Variants in LPIN1 observed in about 807,000 individuals in gnomAD.
LPIN1 encodes phosphatidate phosphatase LPIN1.
A neutral mutation model predicts 107.5 loss-of-function variants in LPIN1; 71 were observed. The ratio of observed to expected loss-of-function variants is 0.66; its 90% CI spans 0.55 to 0.80. The LOEUF (loss-of-function observed/expected upper bound fraction) is 0.80. Ranked by LOEUF, LPIN1 falls within the 30% of genes least tolerant of loss-of-function variation. The pLI is 0.00. For synonymous variants in LPIN1, 445 were observed against 452.6 expected (o/e 0.98, Z 0.21); for missense variants, 1,043 against 1,160.6 (o/e 0.90, Z 1.47).
In LPIN1 at chr2:11,765,262, C is replaced by G. The variant is rs547594797; in HGVS notation, c.-9-271C>G. On this transcript the variant is annotated intron_variant, in intron 1 of 20. Coordinates refer to ENST00000674199, the MANE Select transcript of LPIN1 (RefSeq NM_001349206.2). The surrounding 1 kb of genome is among the most constrained non-coding windows in gnomAD (Gnocchi z 4.4). The stretch of plus-strand genomic sequence containing the variant: ...GGGCCCTGATGGACCCTGATGGACC[C>G]TGATGGGCCGTGATGGACCCTGATG... 1.2e-4 allele frequency among the ~76,000 whole-genome samples: 17 copies of G among 144,440 alleles called. No individual in the cohort carries two copies. The highest frequency in any genetic ancestry group is 4.2e-4 in the African/African-American group (16 of 38,482). 94.8% of individuals were successfully genotyped at this position (144,440 alleles called of 152,430 possible).
At chr2:11,681,559 C>G (rs1661715679) in intron 1 of LPIN1, 1 of 153,082 alleles carries the variant, frequency 6.5e-6, no homozygotes, top group Admixed American at 6.5e-5. Flanking sequence ...GCCATTTAAA[C>G]CTCTTTTCTT....
At chr2:11,788,112 C>T (rs759781928) in intron 11 of LPIN1, among the ~76,000 whole-genome samples, 1 of 152,140 alleles carries the variant, frequency 6.6e-6, no homozygotes, top group African/African-American at 2.4e-5. Context: ...TGGTTTGGTG[C>T]AGCAGCTGTA....
intron 14 of LPIN1, among the ~76,000 whole-genome samples, chr2:11,800,461 G>A (rs1461494382): frequency 1.3e-5 from 2 of 152,108 alleles, no homozygotes; most frequent in Non-Finnish European, 2.9e-5. Context: ...AGGCTGGAGT[G>A]CAATGGCGCA....
chr2:11,730,289 C>T (rs1665062737), intron 1 of LPIN1, among the ~76,000 whole-genome samples: 1 of 152,172 alleles, frequency 6.6e-6, no homozygotes, highest in African/African-American at 2.4e-5. Context: ...GGCCGTTGCT[C>T]ACCTTTGTTA....
intron 1 of LPIN1, among the ~76,000 whole-genome samples, chr2:11,735,687 T>C (rs955275597): frequency 4.6e-5 from 7 of 152,158 alleles, no homozygotes; most frequent in Non-Finnish European, 8.8e-5. Flanking sequence ...AGGTCAACGA[T>C]GAAAGGGGTT....
upstream of LPIN1, among the ~76,000 whole-genome samples, chr2:11,743,901 A>G (rs970366655): frequency 6.6e-6 from 1 of 152,172 alleles, no homozygotes; most frequent in African/African-American, 2.4e-5. The surrounding 1 kb of genome is among the most constrained non-coding windows in gnomAD (Gnocchi z 4.7). Flanking sequence ...TACAACAGCT[A>G]CTGTCACCAG....
intron 1 of LPIN1, among the ~76,000 whole-genome samples, chr2:11,756,432 A>G (rs916341182): frequency 3.9e-5 from 6 of 152,200 alleles, no homozygotes; most frequent in African/African-American, 1.4e-4. Flanking sequence ...TCTGTCGCCC[A>G]GGCTGGAGTA....
Position 11,752,432 on chromosome 2 carries a change from C to CTTTTTTTTTTTTTT in LPIN1, c.-10+5761_-10+5762insTTTTTTTTTTTTTT, listed in dbSNP as rs1354955148. On this transcript the variant is annotated intron_variant, in intron 1 of 20. Coordinates refer to ENST00000674199, the MANE Select transcript of LPIN1 (RefSeq NM_001349206.2). ...TTTTTCTTTTGAGCTGTTCCAAGGC[C>CTTTTTTTTTTTTTT]ATTTTTTTTTTTTTTTTGAGACGGA... Among the ~76,000 whole-genome samples the CTTTTTTTTTTTTTT allele has an allele frequency of 5.5e-3, 451 of 82,516 alleles. 27 individuals are homozygous for CTTTTTTTTTTTTTT. Among genetic ancestry groups the CTTTTTTTTTTTTTT allele is most frequent in the African/African-American group, 0.034 (423 of 12,578 alleles). The allele number at this position is 82,516 out of a possible 152,430, so 54.1% of individuals were successfully genotyped here. A position where few individuals can be genotyped will look rare whatever the true frequency, so the allele number is the denominator to read the frequency against.
chr2:11,689,588 T>C (rs1360188010), intron 1 of LPIN1, among the ~76,000 whole-genome samples: 1 of 152,218 alleles, frequency 6.6e-6, no homozygotes, highest in Non-Finnish European at 1.5e-5. Flanking sequence ...TTATATTCTT[T>C]TAGTGGTTCT....
At position 11,733,350 on chromosome 2, in the gene LPIN1, G is replaced by T. The variant is rs138318473; in HGVS notation, c.-71-7999G>T. On this transcript the variant is annotated intron_variant, in intron 1 of 21. Coordinates refer to the LPIN1 transcript ENST00000396097. ...GGCAGATGAATCTGGTTTTAGTGTGGCAATATGAAAGTGTATGGACACAAA... is the reference window on the plus strand; with the variant it reads ...GGCAGATGAATCTGGTTTTAGTGTGTCAATATGAAAGTGTATGGACACAAA... 6.9e-4 allele frequency among the ~76,000 whole-genome samples: 105 copies of T among 152,230 alleles called. No individual in the cohort carries two copies. In the East Asian group the frequency reaches 0.019, roughly 27 times the overall value.
upstream of LPIN1, chr2:11,746,607 G>C (rs1666955979): frequency 1.0e-6 from 1 of 985,180 alleles, no homozygotes; most frequent in Non-Finnish European, 1.2e-6. Flanking sequence ...AAGGCGAGCT[G>C]CGCTGACAGC....
intron 1 of LPIN1, chr2:11,682,955 G>T (rs1240957810): frequency 1.3e-5 from 2 of 152,200 alleles, no homozygotes; most frequent in Non-Finnish European, 2.9e-5. Context: ...AAGCACCTTA[G>T]TGTGTAGGCT....
At chr2:11,808,701 C>T (rs938978240) in intron 17 of LPIN1, among the ~76,000 whole-genome samples, 1 of 151,954 alleles carries the variant, frequency 6.6e-6, no homozygotes, top group African/African-American at 2.4e-5. Context: ...TGCTGAAACC[C>T]CATCTCTACT....
rs1421501187 is a variant in LPIN1 at position 11,765,335 on chromosome 2, A to G, written c.-9-198A>G. Among the ~76,000 whole-genome samples, 1 of 152,106 alleles carries G rather than the reference A, an allele frequency of 6.6e-6. No homozygotes were observed. Among genetic ancestry groups the G allele is most frequent in the Non-Finnish European group, 1.5e-5 (1 of 67,998 alleles). ...CCCTGATGGGCCATGATGGACACTG[A>G]TGGGCCGTGATGGGCCCTGATGGGC... is the stretch of plus-strand genomic sequence containing the variant. On this transcript the variant is annotated intron_variant, in intron 1 of 20. Coordinates refer to ENST00000674199, the MANE Select transcript of LPIN1 (RefSeq NM_001349206.2). This position sits in a 1 kb window ranked among gnomAD's most constrained non-coding sequence, Gnocchi z 4.4.
intron 14 of LPIN1, among the ~76,000 whole-genome samples, chr2:11,797,353 A>T (rs1056252847): frequency 2.6e-5 from 4 of 152,236 alleles, no homozygotes; most frequent in African/African-American, 9.6e-5. Context: ...TCATGAGAAA[A>T]TGATCCAGAG....
chr2:11,795,884 C>T (rs1676626660), intron 14 of LPIN1, among the ~76,000 whole-genome samples: 1 of 152,202 alleles, frequency 6.6e-6, no homozygotes, highest in African/African-American at 2.4e-5. Context: ...ACTTGCCTTT[C>T]TCTGTAATTT....
intron 1 of LPIN1, among the ~76,000 whole-genome samples, chr2:11,738,337 A>G (rs1276513894): frequency 6.6e-6 from 1 of 151,688 alleles, no homozygotes; most frequent in Non-Finnish European, 1.5e-5. Context: ...ATACCTATAT[A>G]ACAAACCCGC....
rs1180135867 is a variant in LPIN1 at position 11,825,360 on chromosome 2, C to T, written c.*569C>T. ...GTCCAGGCCTGGCCTCAGACTTGGC[C>T]TTGTGGATGGGCCCCTTACAGTATT... On this transcript the variant is annotated 3_prime_UTR_variant, in exon 21 of 21. Coordinates refer to ENST00000674199, the MANE Select transcript of LPIN1 (RefSeq NM_001349206.2). This position sits in a 1 kb window ranked among gnomAD's most constrained non-coding sequence, Gnocchi z 4.1. 6.4e-6 allele frequency: 1 copy of T among 155,716 alleles called. No homozygotes were observed. Among genetic ancestry groups the T allele is most frequent in the African/African-American group, 2.4e-5 (1 of 41,432 alleles). 9.6% of individuals were successfully genotyped at this position (155,716 alleles called of 1,614,324 possible).
chr2:11,693,707 C>T (rs13390679), intron 1 of LPIN1, among the ~76,000 whole-genome samples: 123 of 143,118 alleles, frequency 8.6e-4, no homozygotes, highest in Non-Finnish European at 1.4e-3. Flanking sequence ...TCTCAAAGTT[C>T]GTAGGGGCAC....
Sources: gnomAD v4.1 joint callset for allele counts (sites outside exome capture counted in the v4.1 genomes callset) on GRCh38, gnomAD v4.1.1 for gene constraint, Gnocchi (gnomAD v3.1) non-coding constraint, MANE v1.5 for transcripts, NCBI Gene and HGNC (gene_info 2026-07-23, HGNC 2026-07-21) for gene names.